The following SIAH1 variants were observed in gnomAD, a reference collection of about 807,000 sequenced individuals.
SIAH1 encodes the protein siah E3 ubiquitin protein ligase 1.
A neutral mutation model predicts 20.0 loss-of-function variants in SIAH1; 2 were observed. That is an observed-to-expected ratio of 0.10 (90% CI 0.04 to 0.31). The LOEUF (loss-of-function observed/expected upper bound fraction) is 0.31, where lower values mean the gene tolerates loss of function less well. Among genes scored for constraint, SIAH1 ranks in the 10% least tolerant of loss-of-function variants. The pLI is 1.00. For synonymous variants in SIAH1, 118 were observed against 125.3 expected (o/e 0.94, Z 0.39); for missense variants, 119 against 355.3 (o/e 0.33, Z 5.35).
chr16:48,377,310 C>T (rs1169673165), intron 1 of SIAH1, among the ~76,000 whole-genome samples: 2 of 151,852 alleles, frequency 1.3e-5, no homozygotes, highest in African/African-American at 2.4e-5. Context: ...ACTGGGCAAC[C>T]ACAAACCTAA....
chr16:48,376,412 C>T (rs1365772364), intron 1 of SIAH1, among the ~76,000 whole-genome samples: 1 of 152,122 alleles, frequency 6.6e-6, no homozygotes, highest in Non-Finnish European at 1.5e-5. Context: ...TAGATGGATA[C>T]TTACAGGAAA....
In SIAH1 at chr16:48,365,513, A is replaced by T. The variant is rs763993867; in HGVS notation, c.-2-3083T>A. 4 of 1,603,616 alleles carry T rather than the reference A, an allele frequency of 2.5e-6. No homozygotes were observed. The African/African-American group carries it at 5.3e-5, about 21-fold the overall frequency. On this transcript the variant is annotated intron_variant, in intron 1 of 1. Coordinates refer to ENST00000394725, the MANE Select transcript of SIAH1 (RefSeq NM_003031.4). ...GCCACGCATTGCGTTTCCCCCAAGA[A>T]GTAAAGGAACAGGCCCCTCCTGGGC...
At chr16:48,365,706 A>G in intron 1 of SIAH1, 2 of 1,422,550 alleles carry the variant, frequency 1.4e-6, no homozygotes, top group Non-Finnish European at 1.8e-6. Context: ...CATCTCCAAA[A>G]ATGGGAGCCA....
At chr16:48,377,938 TA>T (rs1024598848) in intron 1 of SIAH1, among the ~76,000 whole-genome samples, 7 of 151,694 alleles carry the variant, frequency 4.6e-5, no homozygotes, top group Non-Finnish European at 1.0e-4. Flanking sequence ...TATAATAAAA[TA>T]AAATAAGAAG....
Position 48,361,297 on chromosome 16 carries a change from A to C in SIAH1, c.*283T>G. On this transcript the variant is annotated 3_prime_UTR_variant, in exon 2 of 2. Coordinates refer to ENST00000394725, the MANE Select transcript of SIAH1 (RefSeq NM_003031.4). ...TACAATCAATCTACAACAAACACAA[A>C]ACTCAGAATTATTTTACAATGCTTC... 2.9e-6 allele frequency: 1 copy of C among 339,918 alleles called. No homozygotes were observed. The highest frequency in any genetic ancestry group is 5.5e-6 in the Non-Finnish European group (1 of 181,326). 21.1% of individuals were successfully genotyped at this position (339,918 alleles called of 1,614,324 possible).
At position 48,375,011 on chromosome 16, in the gene SIAH1, A is replaced by G. The variant is rs1383395869; in HGVS notation, c.-3+10193T>C. Among the ~76,000 whole-genome samples the G allele has an allele frequency of 5.3e-5, 8 of 152,310 alleles. No individual in the cohort carries two copies. In the South Asian group the frequency reaches 1.7e-3, roughly 32 times the overall value. ...GCGTGTTATTTAAAGACAAAGATAAATGCAAAAATAATCAGCTAAAAGAGG... is the reference window on the plus strand; with the variant it reads ...GCGTGTTATTTAAAGACAAAGATAAGTGCAAAAATAATCAGCTAAAAGAGG... On this transcript the variant is annotated intron_variant, in intron 1 of 1. Transcript: ENST00000394725.
chr16:48,361,202 GA>G lies in SIAH1; in HGVS notation c.*377del, dbSNP rs1175118957. ...ACTCAAGATGGCTTGTCAGTTAAAG[GA>G]AAAAAACCCAAACACGCACACACCC... On this transcript the variant is annotated 3_prime_UTR_variant, in exon 2 of 2. Coordinates refer to ENST00000394725, the MANE Select transcript of SIAH1 (RefSeq NM_003031.4). The G allele has an allele frequency of 4.4e-5, 9 of 204,476 alleles. No homozygotes were observed. Among genetic ancestry groups the G allele is most frequent in the Non-Finnish European group, 7.1e-5 (7 of 98,400 alleles). 12.7% of individuals were successfully genotyped at this position (204,476 alleles called of 1,614,324 possible). A position where few individuals can be genotyped will look rare whatever the true frequency, so the allele number is the denominator to read the frequency against.
intron 1 of SIAH1, among the ~76,000 whole-genome samples, chr16:48,374,833 C>G (rs1261485211): frequency 2.0e-5 from 3 of 152,048 alleles, no homozygotes; most frequent in African/African-American, 7.2e-5. Context: ...CTTTGACAGT[C>G]AGGATAAGCA....
At chr16:48,365,793 G>A in intron 1 of SIAH1, 1 of 1,297,166 alleles carries the variant, frequency 7.7e-7, no homozygotes, top group Non-Finnish European at 9.8e-7. Context: ...CACTGGGTAG[G>A]GTCCTGCCCA....
chr16:48,367,622 A>T (rs61238817), intron 1 of SIAH1, among the ~76,000 whole-genome samples: 1,926 of 152,324 alleles, frequency 0.013, 40 homozygotes, highest in African/African-American at 0.044. Context: ...TTTAATTGCC[A>T]AGTCATCAAT....
chr16:48,384,598 T>G (rs1296165123), intron 1 of SIAH1, among the ~76,000 whole-genome samples: 1 of 151,932 alleles, frequency 6.6e-6, no homozygotes, highest in African/African-American at 2.4e-5. Flanking sequence ...CAATGAAGCC[T>G]CCGGCCGAAG....
chr16:48,381,438 A>T (rs1961289934), intron 1 of SIAH1, among the ~76,000 whole-genome samples: 1 of 152,244 alleles, frequency 6.6e-6, no homozygotes, highest in African/African-American at 2.4e-5. Flanking sequence ...TCATGGCCAC[A>T]CAAAAACCTG....
chr16:48,366,755 C>T (rs1191339841), intron 1 of SIAH1, among the ~76,000 whole-genome samples: 2 of 152,150 alleles, frequency 1.3e-5, no homozygotes, highest in Non-Finnish European at 2.9e-5. Context: ...TTGCAGATTA[C>T]CCACTTTCAG....
chr16:48,366,001 G>A (rs1243000218), intron 1 of SIAH1: 1 of 860,700 alleles, frequency 1.2e-6, no homozygotes, highest in Admixed American at 5.0e-5. Context: ...GCGGCGCACA[G>A]GGCGATGCCC....
chr16:48,374,435 G>C (rs1343750844), intron 1 of SIAH1, among the ~76,000 whole-genome samples: 1 of 152,148 alleles, frequency 6.6e-6, no homozygotes, highest in Non-Finnish European at 1.5e-5. Context: ...AAAGTGTTGA[G>C]GGCAGAATGA....
At chr16:48,366,602 C>G (rs773252775) in intron 1 of SIAH1, among the ~76,000 whole-genome samples, 1 of 152,174 alleles carries the variant, frequency 6.6e-6, no homozygotes, top group Non-Finnish European at 1.5e-5. Context: ...AAGCACTACC[C>G]TTGCCCCAAT....
chr16:48,384,599 C>A (rs992345038), intron 1 of SIAH1, among the ~76,000 whole-genome samples: 3 of 152,088 alleles, frequency 2.0e-5, no homozygotes, highest in Non-Finnish European at 4.4e-5. Context: ...AATGAAGCCT[C>A]CGGCCGAAGC....
At chr16:48,380,456 A>G (rs1961244579) in intron 1 of SIAH1, among the ~76,000 whole-genome samples, 1 of 151,316 alleles carries the variant, frequency 6.6e-6, no homozygotes, top group African/African-American at 2.5e-5. Flanking sequence ...GTCTCCAAAA[A>G]AACAAACAAA....
chr16:48,366,895 G>A (rs1363904722), intron 1 of SIAH1, among the ~76,000 whole-genome samples: 2 of 152,168 alleles, frequency 1.3e-5, no homozygotes, highest in Non-Finnish European at 2.9e-5. Context: ...GACACAGTCA[G>A]CCCCACAACT....
Sources: allele counts gnomAD v4.1 joint callset (sites outside exome capture counted in the v4.1 genomes callset), GRCh38; gene constraint gnomAD v4.1.1; transcripts MANE v1.5; gene names NCBI Gene and HGNC (gene_info 2026-07-23, HGNC 2026-07-21).